The following TMEM108 variants were observed in gnomAD, a reference collection of about 807,000 sequenced individuals.
TMEM108 encodes the protein cancer/testis antigen 124.
Under a neutral mutation model 35.1 loss-of-function variants are expected in TMEM108, and 12 were observed. The ratio of observed to expected loss-of-function variants is 0.34; its 90% CI spans 0.22 to 0.55. The LOEUF is 0.55. TMEM108 is among the 20% of genes least tolerant of loss of function. The probability of loss-of-function intolerance (pLI) is 0.89; values close to 1 mark genes in which losing one functional copy is unlikely to be tolerated. For missense variants in TMEM108, 680 were observed against 753.3 expected (o/e 0.90, Z 1.14); for synonymous variants, 287 against 308.6 (o/e 0.93, Z 0.73).
chr3:133,226,501 A>G (rs1487532994), intron 2 of TMEM108, among the ~76,000 whole-genome samples: 1 of 152,174 alleles, frequency 6.6e-6, no homozygotes, highest in Non-Finnish European at 1.5e-5. Flanking sequence ...TCTTGTTACT[A>G]CAAACAATCT....
chr3:133,226,894 A>G (rs941612272), intron 2 of TMEM108, among the ~76,000 whole-genome samples: 2 of 152,196 alleles, frequency 1.3e-5, no homozygotes, highest in Non-Finnish European at 2.9e-5. Context: ...CCTCACAATC[A>G]TGGTGGGAGG....
chr3:133,206,365 G>A (rs551243674), intron 2 of TMEM108, among the ~76,000 whole-genome samples: 10 of 152,328 alleles, frequency 6.6e-5, no homozygotes, highest in South Asian at 4.1e-4. Flanking sequence ...GTGATCCTTT[G>A]GAGGAGAAGA....
Position 133,390,283 on chromosome 3 carries a change from C to T in TMEM108, c.1554C>T (p.Asn518=), listed in dbSNP as rs768814968. 1 of 1,614,226 alleles carries T rather than the reference C, an allele frequency of 6.2e-7. No individual in the cohort carries two copies. Among genetic ancestry groups the T allele is most frequent in the South Asian group, 1.1e-5 (1 of 91,086 alleles). Residue 518 remains asparagine (N), a synonymous_variant, in exon 5 of 6, where the codon AAC becomes AAT. Transcript: ENST00000321871. ...ACACCATCACCATGGACTACTTCAA[C>T]AGGCATGCTGTGGAGCTGCCCAGGG... The part of the protein sequence containing the change: ...WNNTITMDYF[N]RHAVELPREI...
chr3:133,053,860 C>T (rs531546551), intron 2 of TMEM108, among the ~76,000 whole-genome samples: 1 of 152,298 alleles, frequency 6.6e-6, no homozygotes, highest in East Asian at 1.9e-4. Context: ...TTCCCACAAC[C>T]TAACCAATGA....
intron 3 of TMEM108, among the ~76,000 whole-genome samples, chr3:133,369,471 A>G (rs1200495552): frequency 2.0e-5 from 3 of 152,152 alleles, no homozygotes; most frequent in Non-Finnish European, 2.9e-5. Flanking sequence ...CTTGGTCAAG[A>G]AAGTAGTGGC....
intron 2 of TMEM108, among the ~76,000 whole-genome samples, chr3:133,224,278 C>T (rs955415155): frequency 6.6e-6 from 1 of 152,094 alleles, no homozygotes; most frequent in African/African-American, 2.4e-5. Flanking sequence ...GCTTGTGGGT[C>T]GCCCTTGACT....
intron 2 of TMEM108, among the ~76,000 whole-genome samples, chr3:133,100,941 A>G (rs889904534): frequency 3.9e-5 from 6 of 152,194 alleles, no homozygotes; most frequent in Non-Finnish European, 8.8e-5. Context: ...AGTTGTGTGT[A>G]TAATAACTGA....
chr3:133,113,121 G>A (rs1401882735), intron 2 of TMEM108, among the ~76,000 whole-genome samples: 1 of 152,132 alleles, frequency 6.6e-6, no homozygotes, highest in East Asian at 1.9e-4. Context: ...ATGAAGTGGT[G>A]GAAGGAGGGT....
chr3:133,193,003 T>A (rs756395783), intron 2 of TMEM108, among the ~76,000 whole-genome samples: 2 of 152,086 alleles, frequency 1.3e-5, no homozygotes, highest in Non-Finnish European at 2.9e-5. Flanking sequence ...ATGAGAAATC[T>A]TTTTCAGGAA....
intron 2 of TMEM108, among the ~76,000 whole-genome samples, chr3:133,168,995 GA>G (rs1273458510): frequency 5.9e-5 from 9 of 152,188 alleles, no homozygotes. Flanking sequence ...AGAAACACTG[GA>G]CACATCCGAA....
At chr3:133,372,371 A>T (rs1025837740) in intron 3 of TMEM108, among the ~76,000 whole-genome samples, 2 of 152,086 alleles carry the variant, frequency 1.3e-5, no homozygotes, top group African/African-American at 4.8e-5. Flanking sequence ...GAATGTGGAG[A>T]TGATGGGGGA....
intron 3 of TMEM108, among the ~76,000 whole-genome samples, chr3:133,347,652 G>A (rs2071862730): frequency 6.6e-6 from 1 of 152,016 alleles, no homozygotes; most frequent in Non-Finnish European, 1.5e-5. Context: ...ATTAGCTAGG[G>A]CTTCCAGTGT....
intron 2 of TMEM108, among the ~76,000 whole-genome samples, chr3:133,051,270 G>T (rs748547465): frequency 6.6e-6 from 1 of 152,060 alleles, no homozygotes; most frequent in African/African-American, 2.4e-5. Flanking sequence ...GATAACAAAT[G>T]ATGTAGAACA....
chr3:133,223,198 G>A (rs1479585620), intron 2 of TMEM108, among the ~76,000 whole-genome samples: 4 of 152,202 alleles, frequency 2.6e-5, no homozygotes, highest in African/African-American at 4.8e-5. Flanking sequence ...TGAAGAAATA[G>A]GGACTTATTC....
intron 4 of TMEM108, among the ~76,000 whole-genome samples, chr3:133,382,909 G>T (rs891856288): frequency 4.6e-5 from 7 of 152,188 alleles, no homozygotes. Context: ...TCAGGGCTGG[G>T]CAAACTGCTT....
chr3:133,269,605 C>T (rs1946744181), intron 3 of TMEM108, among the ~76,000 whole-genome samples: 1 of 152,226 alleles, frequency 6.6e-6, no homozygotes, highest in Non-Finnish European at 1.5e-5. Context: ...TTCTGTCTGA[C>T]TCCCTCCTGT....
chr3:133,239,777 T>G (rs1443849647), intron 3 of TMEM108, among the ~76,000 whole-genome samples: 1 of 152,198 alleles, frequency 6.6e-6, no homozygotes, highest in Non-Finnish European at 1.5e-5. Context: ...CGCTTTTAGC[T>G]TCCCTACCTC....
chr3:133,215,062 A>T (rs1020845390), intron 2 of TMEM108, among the ~76,000 whole-genome samples: 10 of 152,162 alleles, frequency 6.6e-5, no homozygotes, highest in Admixed American at 5.2e-4. Context: ...CATTTCTCAT[A>T]AGAGAAATAG....
At chr3:133,306,738 G>A (rs368591926) in intron 3 of TMEM108, among the ~76,000 whole-genome samples, 3 of 152,124 alleles carry the variant, frequency 2.0e-5, no homozygotes, top group Admixed American at 6.5e-5. Flanking sequence ...TGGTGTATAT[G>A]TGCCACATTT....
Sources: allele counts gnomAD v4.1 joint callset (sites outside exome capture counted in the v4.1 genomes callset), GRCh38; gene constraint gnomAD v4.1.1; transcripts MANE v1.5; gene names NCBI Gene and HGNC (gene_info 2026-07-23, HGNC 2026-07-21).